Variants in HS3ST5 observed in about 807,000 individuals in gnomAD.
The protein encoded by HS3ST5 is heparan sulfate glucosamine 3-O-sulfotransferase 5.
Under a neutral mutation model 25.4 loss-of-function variants are expected in HS3ST5, and 10 were observed. The ratio of observed to expected loss-of-function variants is 0.39; its 90% CI spans 0.24 to 0.67. HS3ST5 has a LOEUF of 0.67. Ranked by LOEUF, HS3ST5 falls within the 30% of genes least tolerant of loss-of-function variation. HS3ST5 has a pLI of 0.44. For synonymous variants in HS3ST5, 170 were observed against 162.4 expected, an observed-to-expected ratio of 1.05 and a Z score of -0.36; for missense variants, 324 against 420.7, an observed-to-expected ratio of 0.77 and a Z score of 2.01.
intron 3 of HS3ST5, among the ~76,000 whole-genome samples, chr6:114,088,410 T>TTA (rs1554207572): frequency 1.5e-4 from 23 of 150,558 alleles, no homozygotes; most frequent in Admixed American, 1.4e-3. Flanking sequence ...TTTTTTTTTT[T>TTA]AATTTTTCTT....
At chr6:114,261,062 C>T (rs1480715630) in intron 1 of HS3ST5, among the ~76,000 whole-genome samples, 1 of 151,986 alleles carries the variant, frequency 6.6e-6, no homozygotes, top group Non-Finnish European at 1.5e-5. Context: ...AGCAACTCAT[C>T]GAGTATGACA....
In HS3ST5 at chr6:114,153,644, G is replaced by A. The variant is rs985418158; in HGVS notation, c.-33+14707C>T. Among the ~76,000 whole-genome samples the A allele has an allele frequency of 2.6e-5, 4 of 152,222 alleles. No individual in the cohort carries two copies. In the East Asian group the frequency reaches 7.7e-4, roughly 29 times the overall value. On this transcript the variant is annotated intron_variant, in intron 3 of 4. Coordinates refer to ENST00000312719, the MANE Select transcript of HS3ST5 (RefSeq NM_153612.4). ...TCAGTGAGGTATGATAGAAGTGGCA[G>A]TGTGGTGAAACTAGGAGGCCAGTAA...
intron 1 of HS3ST5, among the ~76,000 whole-genome samples, chr6:114,327,553 A>AT (rs1776221617): frequency 6.6e-6 from 1 of 152,200 alleles, no homozygotes. Flanking sequence ...TACAGAGTCT[A>AT]TTTTTACACC....
intron 3 of HS3ST5, among the ~76,000 whole-genome samples, chr6:114,083,429 G>C (rs1219417403): frequency 6.6e-6 from 1 of 152,060 alleles, no homozygotes; most frequent in East Asian, 1.9e-4. Flanking sequence ...GACGGGATGG[G>C]AGTGGGGGAG....
intron 1 of HS3ST5, among the ~76,000 whole-genome samples, chr6:114,287,418 C>T (rs1199695874): frequency 6.6e-6 from 1 of 152,074 alleles, no homozygotes; most frequent in African/African-American, 2.4e-5. Flanking sequence ...GCTCTTTGAA[C>T]TACACCAGAG....
intron 3 of HS3ST5, among the ~76,000 whole-genome samples, chr6:114,165,798 T>G (rs558624182): frequency 1.1e-4 from 16 of 152,280 alleles, no homozygotes; most frequent in African/African-American, 3.4e-4. Flanking sequence ...AGTTAAACTC[T>G]CTGGATTTTA....
At chr6:114,137,350 G>A (rs544551259) in intron 3 of HS3ST5, among the ~76,000 whole-genome samples, 20 of 152,268 alleles carry the variant, frequency 1.3e-4, no homozygotes, top group African/African-American at 4.3e-4. Context: ...ATTTTGTCAA[G>A]GTGGTAAGAG....
At chr6:114,282,769 A>G (rs1207660704) in intron 1 of HS3ST5, among the ~76,000 whole-genome samples, 2 of 152,084 alleles carry the variant, frequency 1.3e-5, no homozygotes, top group East Asian at 1.9e-4. Context: ...ACCAAGGACC[A>G]CTTTGGTAAG....
intron 1 of HS3ST5, among the ~76,000 whole-genome samples, chr6:114,303,492 G>T (rs1775167684): frequency 6.6e-6 from 1 of 151,618 alleles, no homozygotes; most frequent in East Asian, 1.9e-4. Context: ...AGTGACTATG[G>T]CTTCCACCTG....
intron 1 of HS3ST5, chr6:114,340,793 G>A (rs1248313195): frequency 6.6e-6 from 1 of 151,896 alleles, no homozygotes; most frequent in Non-Finnish European, 1.5e-5. Flanking sequence ...ACTTTTTCTT[G>A]AAAAGACCTT....
intron 3 of HS3ST5, among the ~76,000 whole-genome samples, chr6:114,081,699 A>G (rs182511654): frequency 6.6e-6 from 1 of 152,308 alleles, no homozygotes; most frequent in Non-Finnish European, 1.5e-5. Context: ...CCACACTAAT[A>G]GGTACATTTT....
intron 4 of HS3ST5, among the ~76,000 whole-genome samples, chr6:114,062,413 A>G (rs1304802666): frequency 1.3e-5 from 2 of 152,198 alleles, no homozygotes; most frequent in African/African-American, 4.8e-5. Flanking sequence ...CTGTTTTGCT[A>G]CAGCTAGAGG....
intron 2 of HS3ST5, among the ~76,000 whole-genome samples, chr6:114,206,626 T>C (rs1475967086): frequency 6.6e-6 from 1 of 152,036 alleles, no homozygotes; most frequent in Non-Finnish European, 1.5e-5. Flanking sequence ...AAAATAATAC[T>C]CTCTTTTAGC....
intron 3 of HS3ST5, among the ~76,000 whole-genome samples, chr6:114,095,927 A>T (rs1775399971): frequency 6.6e-6 from 1 of 152,078 alleles, no homozygotes; most frequent in Non-Finnish European, 1.5e-5. Context: ...TTTCAATGAT[A>T]CTAATCATTT....
chr6:114,149,793 A>G (rs1384756255), intron 3 of HS3ST5, among the ~76,000 whole-genome samples: 1 of 152,216 alleles, frequency 6.6e-6, no homozygotes, highest in Non-Finnish European at 1.5e-5. Context: ...TCTGAGGTAT[A>G]TCACCACTTT....
intron 1 of HS3ST5, among the ~76,000 whole-genome samples, chr6:114,234,524 T>C (rs1220750415): frequency 6.6e-6 from 1 of 151,914 alleles, no homozygotes; most frequent in Admixed American, 6.6e-5. Flanking sequence ...TCCACCAAAG[T>C]GTCAGTCATG....
At chr6:114,173,232 A>G (rs2115007508) in intron 2 of HS3ST5, among the ~76,000 whole-genome samples, 1 of 152,368 alleles carries the variant, frequency 6.6e-6, no homozygotes. Flanking sequence ...AAACTTCCAC[A>G]GAATCCACTC....
At chr6:114,172,246 A>G (rs1200678690) in intron 2 of HS3ST5, among the ~76,000 whole-genome samples, 1 of 152,188 alleles carries the variant, frequency 6.6e-6, no homozygotes, top group Non-Finnish European at 1.5e-5. Context: ...CTGTATCTCA[A>G]TTACCACAAC....
intron 3 of HS3ST5, among the ~76,000 whole-genome samples, chr6:114,083,626 TCTTTTA>T (rs1299298985): frequency 6.6e-6 from 1 of 152,208 alleles, no homozygotes; most frequent in African/African-American, 2.4e-5. Context: ...TAAGATCTTC[TCTTTTA>T]CTTTGGTGTT....
Sources: allele counts gnomAD v4.1 joint callset (sites outside exome capture counted in the v4.1 genomes callset), GRCh38; gene constraint gnomAD v4.1.1; transcripts MANE v1.5; gene names NCBI Gene and HGNC (gene_info 2026-07-23, HGNC 2026-07-21).